PRMT8: variants seen among roughly 807,000 people sequenced by gnomAD.
PRMT8 encodes the protein protein arginine N-methyltransferase 8.
PRMT8 carries 7 observed loss-of-function variants against 47.1 expected under a neutral mutation model. The ratio of observed to expected loss-of-function variants is 0.15; its 90% CI spans 0.08 to 0.28. The LOEUF is 0.28. Ranked by LOEUF, PRMT8 falls within the 10% of genes least tolerant of loss-of-function variation. The pLI is 1.00. For synonymous variants in PRMT8, 188 were observed against 186.5 expected, an observed-to-expected ratio of 1.01 and a Z score of -0.07; for missense variants, 237 against 505.4, an observed-to-expected ratio of 0.47 and a Z score of 5.09.
At chr12:3,416,552 A>T (rs1864485676) in intron 1 of PRMT8, among the ~76,000 whole-genome samples, 1 of 152,198 alleles carries the variant, frequency 6.6e-6, no homozygotes, top group Non-Finnish European at 1.5e-5. Flanking sequence ...GGGCTGTTGG[A>T]AAGAAATGTG....
At position 3,593,234 on chromosome 12, in the gene PRMT8, C is replaced by A; in HGVS notation, c.*52C>A. The A allele has an allele frequency of 1.4e-6, 2 of 1,459,914 alleles. No homozygotes were observed. Among genetic ancestry groups the A allele is most frequent in the East Asian group, 2.3e-5 (1 of 43,826 alleles). The allele number at this position is 1,459,914 out of a possible 1,614,324, so 90.4% of individuals were successfully genotyped here. A position where few individuals can be genotyped will look rare whatever the true frequency, so the allele number is the denominator to read the frequency against. The stretch of plus-strand genomic sequence containing the variant: ...CGAGAAAAGGAACTCTCACCTCGAT[C>A]TGCCGTGCCGTCCCAAAGAATACCG... On this transcript the variant is annotated 3_prime_UTR_variant, in exon 10 of 10. Coordinates refer to ENST00000382622, the MANE Select transcript of PRMT8 (RefSeq NM_019854.5). This position sits in a 1 kb window ranked among gnomAD's most constrained non-coding sequence, Gnocchi z 4.8.
In PRMT8 at chr12:3,535,393, T is replaced by C. The variant is rs1282429402; in HGVS notation, c.76-5213T>C. Among the ~76,000 whole-genome samples, 1 of 152,190 alleles carries C rather than the reference T, an allele frequency of 6.6e-6. No individual in the cohort carries two copies. Among genetic ancestry groups the C allele is most frequent in the Non-Finnish European group, 1.5e-5 (1 of 68,042 alleles). On this transcript the variant is annotated intron_variant, in intron 1 of 9. Transcript: ENST00000382622. This position sits in a 1 kb window ranked among gnomAD's most constrained non-coding sequence, Gnocchi z 4.7. ...GAACACTGTGTTGGGGGAGTCCTGA[T>C]CAGCCGCTGGCGTGGTGAGTCGAAG...
chr12:3,533,077 G>T (rs1363798429), intron 1 of PRMT8, among the ~76,000 whole-genome samples: 1 of 152,188 alleles, frequency 6.6e-6, no homozygotes, highest in African/African-American at 2.4e-5. Flanking sequence ...GTAGGGATGG[G>T]CTCTGCCAAG....
In PRMT8 at chr12:3,491,420, G is replaced by A. The variant is rs1865395569; in HGVS notation, c.-206G>A. On this transcript the variant is annotated 5_prime_UTR_variant, in exon 1 of 10. Coordinates refer to ENST00000382622, the MANE Select transcript of PRMT8 (RefSeq NM_019854.5). Reference sequence around the variant, plus strand: ...AACTTGAAACCGTGTGAAGGAATCCGGAGCAGATGAGAAGGGAGGAAAATA... The same window carrying A: ...AACTTGAAACCGTGTGAAGGAATCCAGAGCAGATGAGAAGGGAGGAAAATA... 2 of 1,343,198 alleles carry A rather than the reference G, an allele frequency of 1.5e-6. No homozygotes were observed. Among genetic ancestry groups the A allele is most frequent in the East Asian group, 2.7e-5 (1 of 36,658 alleles). The allele number at this position is 1,343,198 out of a possible 1,614,324, so 83.2% of individuals were successfully genotyped here.
intron 1 of PRMT8, among the ~76,000 whole-genome samples, chr12:3,510,030 T>A (rs1865688307): frequency 6.6e-6 from 1 of 152,222 alleles, no homozygotes. Flanking sequence ...AAACCTTGCT[T>A]GAGGCAGGAG....
In PRMT8 at chr12:3,552,903, G is replaced by A. The variant is rs1328026329; in HGVS notation, c.418-748G>A. 2.6e-6 allele frequency: 1 copy of A among 380,246 alleles called. No homozygotes were observed. Among genetic ancestry groups the A allele is most frequent in the South Asian group, 1.9e-5 (1 of 52,604 alleles). The allele number at this position is 380,246 out of a possible 1,614,324, so 23.6% of individuals were successfully genotyped here. A position where few individuals can be genotyped will look rare whatever the true frequency, so the allele number is the denominator to read the frequency against. ...AGAGCCGGCTCCGGAGGTGAGGACG[G>A]CTCTTGGCAGCTGCCCCTCCATGTC... On this transcript the variant is annotated intron_variant, in intron 3 of 9. Transcript: ENST00000382622. The surrounding 1 kb of genome is among the most constrained non-coding windows in gnomAD (Gnocchi z 4.5).
At chr12:3,531,693 C>G (rs1437359418) in intron 1 of PRMT8, among the ~76,000 whole-genome samples, 1 of 152,244 alleles carries the variant, frequency 6.6e-6, no homozygotes, top group Non-Finnish European at 1.5e-5. Context: ...CGTCAAGCGT[C>G]TCAGTGACCC....
intron 1 of PRMT8, among the ~76,000 whole-genome samples, chr12:3,467,382 A>C (rs1354498873): frequency 1.3e-5 from 2 of 152,150 alleles, no homozygotes; most frequent in Non-Finnish European, 2.9e-5. Context: ...ACACCCGAGC[A>C]GTCTGAGAAG....
At chr12:3,556,580 A>G (rs988482004) in intron 4 of PRMT8, among the ~76,000 whole-genome samples, 8 of 152,168 alleles carry the variant, frequency 5.3e-5, no homozygotes, top group Admixed American at 5.2e-4. Context: ...GAATAGGTTC[A>G]GGAAAGACTG....
upstream of PRMT8, among the ~76,000 whole-genome samples, chr12:3,490,548 G>GGGA (rs1865370694): frequency 9.0e-6 from 1 of 110,648 alleles, no homozygotes; most frequent in African/African-American, 4.2e-5. Flanking sequence ...GACTGGAGTG[G>GGGA]GGGGGGGGGC....
In PRMT8 at chr12:3,491,697, C is replaced by A. The variant is rs750368824; in HGVS notation, c.72C>A (p.Thr24=). Residue 24 remains threonine, a synonymous_variant, in exon 1 of 10, where the codon ACC becomes ACA. Transcript: ENST00000382622. ...TGGCGGAGAACGCGGCCGAGAGCACCGAGGTAAGGAGGCGAGCGAGCAGGG... is the reference window on the plus strand; with the variant it reads ...TGGCGGAGAACGCGGCCGAGAGCACAGAGGTAAGGAGGCGAGCGAGCAGGG... ...RKMAENAAES[T]EVNSPPSQPP... 1.9e-6 allele frequency: 3 copies of A among 1,608,826 alleles called. No homozygotes were observed. Among genetic ancestry groups the A allele is most frequent in the East Asian group, 2.2e-5 (1 of 44,698 alleles).
intron 1 of PRMT8, among the ~76,000 whole-genome samples, chr12:3,394,890 C>T (rs982447015): frequency 1.1e-4 from 17 of 151,414 alleles, no homozygotes; most frequent in African/African-American, 3.6e-4. Flanking sequence ...AATTTCAGAT[C>T]CTGTTATTGG....
At chr12:3,585,235 G>C (rs1481759208) in intron 8 of PRMT8, among the ~76,000 whole-genome samples, 1 of 152,126 alleles carries the variant, frequency 6.6e-6, no homozygotes, top group African/African-American at 2.4e-5. Flanking sequence ...ATGTCATCAG[G>C]GGGTGAGGAG....
chr12:3,512,637 T>G (rs1441457143), intron 1 of PRMT8, among the ~76,000 whole-genome samples: 1 of 152,204 alleles, frequency 6.6e-6, no homozygotes, highest in African/African-American at 2.4e-5. Context: ...TAACACTGTT[T>G]ACGTCCATCT....
chr12:3,456,373 C>T lies in PRMT8; in HGVS notation c.48+74931C>T, dbSNP rs1864973174. Among the ~76,000 whole-genome samples the T allele has an allele frequency of 6.6e-6, 1 of 152,116 alleles. No individual in the cohort carries two copies. The highest frequency in any genetic ancestry group is 2.1e-4 in the South Asian group (1 of 4,828). Reference sequence around the variant, plus strand: ...TTTTCTGGATCGTGGATCCCCTTCCCGAGGGAAAAACCCTAGCACCCACAT... The same window carrying T: ...TTTTCTGGATCGTGGATCCCCTTCCTGAGGGAAAAACCCTAGCACCCACAT... On this transcript the variant is annotated intron_variant, in intron 1 of 9. Transcript: ENST00000452611. This position sits in a 1 kb window ranked among gnomAD's most constrained non-coding sequence, Gnocchi z 4.2.
At chr12:3,548,595 T>G (rs554467007) in intron 2 of PRMT8, among the ~76,000 whole-genome samples, 1 of 152,332 alleles carries the variant, frequency 6.6e-6, no homozygotes, top group African/African-American at 2.4e-5. Context: ...TCTACTTCAG[T>G]AACCATCAGG....
chr12:3,540,475 C>A, intron 1 of PRMT8, 131 bp from the exon 2 acceptor site: 1 of 652,448 alleles, frequency 1.5e-6, no homozygotes, highest in East Asian at 2.7e-5. Flanking sequence ...TCACCTACCT[C>A]CCTTTCAGGA....
chr12:3,491,443 A>G lies in PRMT8; in HGVS notation c.-183A>G, dbSNP rs1865395990. The G allele has an allele frequency of 2.2e-6, 3 of 1,382,670 alleles. No individual in the cohort carries two copies. Among genetic ancestry groups the G allele is most frequent in the Non-Finnish European group, 2.8e-6 (3 of 1,068,650 alleles). 85.7% of individuals were successfully genotyped at this position (1,382,670 alleles called of 1,614,324 possible). ...CCGGAGCAGATGAGAAGGGAGGAAAATAAAAGAAAGTGGAGACTGCAGAAC... is the reference window on the plus strand; with the variant it reads ...CCGGAGCAGATGAGAAGGGAGGAAAGTAAAAGAAAGTGGAGACTGCAGAAC... On this transcript the variant is annotated 5_prime_UTR_variant, in exon 1 of 10. Coordinates refer to ENST00000382622, the MANE Select transcript of PRMT8 (RefSeq NM_019854.5).
rs1026047734 is a variant in PRMT8 at position 3,508,545 on chromosome 12, G to A, written c.75+16845G>A. 6.6e-6 allele frequency among the ~76,000 whole-genome samples: 1 copy of A among 152,170 alleles called. No individual in the cohort carries two copies. Among genetic ancestry groups the A allele is most frequent in the African/African-American group, 2.4e-5 (1 of 41,438 alleles). On this transcript the variant is annotated intron_variant, in intron 1 of 9. Transcript: ENST00000382622. The surrounding 1 kb of genome is among the most constrained non-coding windows in gnomAD (Gnocchi z 4.9). ...GGGAGAGTCTTGTAAAGATAGATCC[G>A]AGTTTTAGGGTCAGAGACGTTATGC...
Sources: allele counts gnomAD v4.1 joint callset (sites outside exome capture counted in the v4.1 genomes callset), GRCh38; gene constraint gnomAD v4.1.1; non-coding constraint Gnocchi (gnomAD v3.1); transcripts MANE v1.5; gene names NCBI Gene and HGNC (gene_info 2026-07-23, HGNC 2026-07-21).